Variants in RGS8 observed in about 807,000 individuals in gnomAD.
The protein encoded by RGS8 is regulator of G protein signaling 8, also known as regulator of G-protein signaling 8.
In RGS8, 8 loss-of-function variants were observed where a neutral mutation model predicts 21.7. The ratio of observed to expected loss-of-function variants is 0.37; its 90% CI spans 0.22 to 0.66. The LOEUF is 0.66. RGS8 is among the 30% of genes least tolerant of loss of function. RGS8 has a pLI of 0.59. For missense variants in RGS8, 157 were observed against 217.9 expected (o/e 0.72, Z 1.76); for synonymous variants, 80 against 83.6 (o/e 0.96, Z 0.24).
chr1:182,739,985 C>G, the RGS8 span, among the ~76,000 whole-genome samples: 1 of 152,194 alleles, frequency 6.6e-6, no homozygotes, highest in African/African-American at 2.4e-5. Flanking sequence ...CCCCCAACCC[C>G]CAATTTCTAT....
the RGS8 span, among the ~76,000 whole-genome samples, chr1:182,722,861 C>T: frequency 6.6e-6 from 1 of 151,950 alleles, no homozygotes; most frequent in African/African-American, 2.4e-5. Flanking sequence ...GCCTGTAGTC[C>T]CAGCTACTTG....
chr1:182,642,864 C>T (rs1336770297), downstream of RGS8: 1 of 150,608 alleles, frequency 6.6e-6, no homozygotes, highest in Non-Finnish European at 1.5e-5. Context: ...GTGACACTCT[C>T]CACTGAGAAA....
At chr1:182,744,918 T>G in the RGS8 span, among the ~76,000 whole-genome samples, 1 of 152,210 alleles carries the variant, frequency 6.6e-6, no homozygotes, top group Admixed American at 6.5e-5. Context: ...TAAGCCACCC[T>G]ACCACCCCCG....
chr1:182,690,465 C>T, the RGS8 span, among the ~76,000 whole-genome samples: 1 of 152,188 alleles, frequency 6.6e-6, no homozygotes, highest in South Asian at 2.1e-4. Flanking sequence ...AAATTCTTAG[C>T]ATATAGGCAT....
the RGS8 span, among the ~76,000 whole-genome samples, chr1:182,704,366 C>T: frequency 5.3e-5 from 8 of 152,214 alleles, no homozygotes; most frequent in African/African-American, 1.9e-4. Flanking sequence ...TCACTGTCCT[C>T]AGTTAAACCA....
chr1:182,691,242 C>G, the RGS8 span, among the ~76,000 whole-genome samples: 5,498 of 152,280 alleles, frequency 0.036, 132 homozygotes, highest in Admixed American at 0.045. Context: ...TTGTTACACA[C>G]CAAAAGCTCA....
Position 182,654,406 on chromosome 1 carries a change from C to A in RGS8, c.194-6103G>T, listed in dbSNP as rs79634112. On this transcript the variant is annotated intron_variant, in intron 5 of 6. Transcript: ENST00000483095. ...GGTAGAGGAAGATAGAGAAAAACAG[C>A]AAGAAAAGGGACATATTTGTGATAT... 5.6e-3 allele frequency among the ~76,000 whole-genome samples: 851 copies of A among 152,232 alleles called. 8 individuals are homozygous for A. Among genetic ancestry groups the A allele is most frequent in the African/African-American group, 0.019 (793 of 41,516 alleles).
chr1:182,703,789 T>C, the RGS8 span, among the ~76,000 whole-genome samples: 2 of 152,210 alleles, frequency 1.3e-5, no homozygotes, highest in African/African-American at 4.8e-5. Context: ...TCAGCACACA[T>C]TGACTGGGAA....
the RGS8 span, among the ~76,000 whole-genome samples, chr1:182,716,136 T>TC: frequency 6.6e-6 from 1 of 151,558 alleles, no homozygotes; most frequent in Non-Finnish European, 1.5e-5. Flanking sequence ...GTTTTTTTTT[T>TC]TTTCCTAGAG....
At chr1:182,736,531 A>C in the RGS8 span, among the ~76,000 whole-genome samples, 2 of 152,176 alleles carry the variant, frequency 1.3e-5, no homozygotes, top group African/African-American at 4.8e-5. Flanking sequence ...GGGTGATTAG[A>C]ATTTGGTGGG....
chr1:182,724,380 T>C, the RGS8 span, among the ~76,000 whole-genome samples: 1 of 151,044 alleles, frequency 6.6e-6, no homozygotes, highest in African/African-American at 2.4e-5. Context: ...TATTTGAACA[T>C]GGGTGGGACA....
At chr1:182,747,752 G>A in the RGS8 span, among the ~76,000 whole-genome samples, 3 of 151,582 alleles carry the variant, frequency 2.0e-5, no homozygotes, top group Non-Finnish European at 4.4e-5. Flanking sequence ...GCTCATGCCT[G>A]TAATCCCAGA....
chr1:182,684,221 G>C lies in RGS8; in HGVS notation n.221+135C>G, dbSNP rs1664634577. On this transcript the variant is annotated intron_variant and non_coding_transcript_variant, in intron 1 of 4. Coordinates refer to the RGS8 transcript ENST00000515211. The surrounding 1 kb of genome is among the most constrained non-coding windows in gnomAD (Gnocchi z 4.2). ...AGCTCTGAGGAGTCAGAGAGTAAAT[G>C]GGGACAATGACAGGAGGCCAGAACC... 6.6e-6 allele frequency: 1 copy of C among 152,458 alleles called. No individual in the cohort carries two copies. The highest frequency in any genetic ancestry group is 1.5e-5 in the Non-Finnish European group (1 of 68,206). The allele number at this position is 152,458 out of a possible 1,614,324, so 9.4% of individuals were successfully genotyped here. A position where few individuals can be genotyped will look rare whatever the true frequency, so the allele number is the denominator to read the frequency against.
intron 1 of RGS8, among the ~76,000 whole-genome samples, chr1:182,678,458 G>GGT (rs1196610202): frequency 3.3e-5 from 5 of 152,212 alleles, no homozygotes; most frequent in African/African-American, 1.2e-4. Context: ...CTAGGGAGCA[G>GGT]GTGCTAAAAT....
At chr1:182,660,226 C>A (rs921496162) in intron 5 of RGS8, among the ~76,000 whole-genome samples, 1 of 152,142 alleles carries the variant, frequency 6.6e-6, no homozygotes, top group East Asian at 1.9e-4. Flanking sequence ...TCATCATTCC[C>A]CTTCTACAGA....
chr1:182,669,799 G>T, intron 2 of RGS8, 47 bp from the exon 4 acceptor site: 1 of 1,500,076 alleles, frequency 6.7e-7, no homozygotes, highest in Non-Finnish European at 8.9e-7. Flanking sequence ...TCTCTCATCT[G>T]ACTGCACTAC....
chr1:182,714,406 ATGAATATATGT>A, the RGS8 span: 1 of 152,236 alleles, frequency 6.6e-6, no homozygotes, highest in African/African-American at 2.4e-5. Flanking sequence ...TAAACACATG[ATGAATATATGT>A]TGAATAACTA....
At chr1:182,673,009 C>T, upstream of RGS8, 1 of 692,550 alleles carries the variant, frequency 1.4e-6, no homozygotes, top group South Asian at 1.7e-5. Context: ...GGACAGTAAT[C>T]AGCCTTCCAG....
intron 1 of RGS8, among the ~76,000 whole-genome samples, chr1:182,680,285 T>A (rs1571356241): frequency 6.6e-6 from 1 of 152,038 alleles, no homozygotes; most frequent in African/African-American, 2.4e-5. Context: ...ACCTTGAGAG[T>A]CACCTACCAC....
Sources: gnomAD v4.1 joint callset for allele counts (sites outside exome capture counted in the v4.1 genomes callset) on GRCh38, gnomAD v4.1.1 for gene constraint, Gnocchi (gnomAD v3.1) non-coding constraint, MANE v1.5 for transcripts, NCBI Gene and HGNC (gene_info 2026-07-23, HGNC 2026-07-21) for gene names.